VMP1: variants seen among roughly 807,000 people sequenced by gnomAD.
The protein encoded by VMP1 is ectopic P-granules autophagy protein 3 homolog.
Under a neutral mutation model 56.0 loss-of-function variants are expected in VMP1, and 11 were observed. The ratio of observed to expected loss-of-function variants is 0.20; its 90% CI spans 0.12 to 0.32. The LOEUF is 0.32. VMP1 is among the 10% of genes least tolerant of loss of function. The pLI is 1.00. For synonymous variants in VMP1, 149 were observed against 165.0 expected (o/e 0.90, Z 0.74); for missense variants, 296 against 490.3 (o/e 0.60, Z 3.74).
At chr17:59,710,801 T>A (rs2033889844) in intron 1 of VMP1, among the ~76,000 whole-genome samples, 1 of 152,146 alleles carries the variant, frequency 6.6e-6, no homozygotes, top group South Asian at 2.1e-4. Context: ...CCAGGCGCCG[T>A]GGCTCACGCC....
At chr17:59,784,039 C>G (rs968822816) in intron 7 of VMP1, among the ~76,000 whole-genome samples, 3 of 150,654 alleles carry the variant, frequency 2.0e-5, no homozygotes, top group Non-Finnish European at 2.9e-5. Flanking sequence ...AGTTTTTTAT[C>G]CTCTGTATTG....
At chr17:59,819,558 A>G (rs1192010135) in intron 10 of VMP1, among the ~76,000 whole-genome samples, 1 of 152,136 alleles carries the variant, frequency 6.6e-6, no homozygotes, top group Non-Finnish European at 1.5e-5. Context: ...GGTTAAAGCA[A>G]TTCTTCTGCA....
chr17:59,709,261 T>C (rs973822468), intron 1 of VMP1, among the ~76,000 whole-genome samples: 1 of 152,244 alleles, frequency 6.6e-6, no homozygotes, highest in East Asian at 1.9e-4. Context: ...TCTGATCTTA[T>C]CTTCTTTATG....
Position 59,829,874 on chromosome 17 carries a change from G to A in VMP1, c.975-8421G>A, listed in dbSNP as rs188925248. Among the ~76,000 whole-genome samples the A allele has an allele frequency of 2.2e-4, 34 of 152,196 alleles. No individual in the cohort carries two copies. In the East Asian group the frequency reaches 5.8e-3, roughly 26 times the overall value. ...ATTCAGTCTCTTCAGCAGAAGAGGC[G>A]GTTGTTGGCTTCAGTTAGAACAGGA... On this transcript the variant is annotated intron_variant, in intron 10 of 11. Transcript: ENST00000262291.
chr17:59,838,573 A>G (rs969680652), intron 11 of VMP1, 176 bp downstream of exon 11: 4 of 620,788 alleles, frequency 6.4e-6, no homozygotes, highest in African/African-American at 5.5e-5. Context: ...CTTAGACTAG[A>G]AAGTGTAACT....
intron 7 of VMP1, among the ~76,000 whole-genome samples, chr17:59,807,359 G>A (rs1045444693): frequency 7.9e-5 from 12 of 151,570 alleles, no homozygotes; most frequent in East Asian, 5.9e-4. Context: ...CAGCACGCCC[G>A]GCTAATTTTT....
chr17:59,753,480 C>T (rs1404863415), intron 5 of VMP1, among the ~76,000 whole-genome samples: 3 of 152,098 alleles, frequency 2.0e-5, no homozygotes, highest in African/African-American at 7.2e-5. Context: ...TATGATTCAT[C>T]AAGTTACAAG....
Position 59,801,110 on chromosome 17 carries a change from A to G in VMP1, c.715-7686A>G, listed in dbSNP as rs12103828. On this transcript the variant is annotated intron_variant, in intron 7 of 11. Coordinates refer to ENST00000262291, the MANE Select transcript of VMP1 (RefSeq NM_030938.5). ...AAAAAAAATATATATATATATATAT[A>G]TATGTGTGTGTGTGTGTGTGTGTGT... 2.2e-3 allele frequency among the ~76,000 whole-genome samples: 238 copies of G among 109,704 alleles called. 1 individual carries two copies. Among genetic ancestry groups the G allele is most frequent in the African/African-American group, 0.01 (223 of 22,212 alleles). 72.0% of individuals were successfully genotyped at this position (109,704 alleles called of 152,430 possible).
chr17:59,768,613 A>G (rs1031330467), intron 6 of VMP1, among the ~76,000 whole-genome samples: 2 of 151,922 alleles, frequency 1.3e-5, no homozygotes, highest in African/African-American at 4.8e-5. Flanking sequence ...AAAGAAAAAA[A>G]AACAAGGGGG....
intron 6 of VMP1, among the ~76,000 whole-genome samples, chr17:59,767,437 G>A (rs1262988109): frequency 6.6e-6 from 1 of 152,058 alleles, no homozygotes; most frequent in Non-Finnish European, 1.5e-5. Flanking sequence ...TATACTAGTT[G>A]CATATGCTTT....
At chr17:59,773,098 A>G (rs1428811090) in intron 6 of VMP1, among the ~76,000 whole-genome samples, 1 of 151,072 alleles carries the variant, frequency 6.6e-6, no homozygotes, top group Admixed American at 6.6e-5. Context: ...AGTATCTGGG[A>G]CTGCAAGTGC....
chr17:59,709,967 T>C (rs752410678), intron 1 of VMP1, among the ~76,000 whole-genome samples: 9 of 151,798 alleles, frequency 5.9e-5, no homozygotes, highest in Non-Finnish European at 1.2e-4. Flanking sequence ...GGAGGCCGAG[T>C]TGGGCGGATC....
intron 5 of VMP1, among the ~76,000 whole-genome samples, chr17:59,755,835 C>T (rs1186104143): frequency 6.6e-6 from 1 of 150,952 alleles, no homozygotes; most frequent in Non-Finnish European, 1.5e-5. Flanking sequence ...AACTCCTGGG[C>T]TCGAGTGGTC....
intron 10 of VMP1, among the ~76,000 whole-genome samples, chr17:59,823,318 C>T (rs2038516241): frequency 6.6e-6 from 1 of 151,730 alleles, no homozygotes; most frequent in African/African-American, 2.4e-5. Context: ...GGGCATGGTG[C>T]CGCATGCCTG....
chr17:59,767,812 T>C (rs1359197843), intron 6 of VMP1, among the ~76,000 whole-genome samples: 4 of 152,154 alleles, frequency 2.6e-5, no homozygotes, highest in Non-Finnish European at 4.4e-5. Context: ...AGTATTAGCA[T>C]CATAGTAATC....
chr17:59,812,872 A>C (rs566064228), intron 9 of VMP1, among the ~76,000 whole-genome samples: 1 of 152,188 alleles, frequency 6.6e-6, no homozygotes, highest in South Asian at 2.1e-4. Flanking sequence ...TGGAGGTTGC[A>C]GTGAGCCAAG....
intron 10 of VMP1, among the ~76,000 whole-genome samples, chr17:59,830,781 A>G (rs1028109718): frequency 6.6e-6 from 1 of 152,234 alleles, no homozygotes; most frequent in African/African-American, 2.4e-5. Context: ...TTAGACTTTA[A>G]GTATACACTC....
intron 5 of VMP1, among the ~76,000 whole-genome samples, chr17:59,759,106 ATTAG>A (rs1291180334): frequency 6.6e-6 from 1 of 152,268 alleles, no homozygotes; most frequent in East Asian, 1.9e-4. Flanking sequence ...CAACAACAAA[ATTAG>A]TTGGTTGTGG....
intron 7 of VMP1, among the ~76,000 whole-genome samples, chr17:59,798,400 AC>A (rs1473689850): frequency 2.0e-5 from 3 of 152,188 alleles, no homozygotes; most frequent in Non-Finnish European, 4.4e-5. Context: ...GCATCATGAG[AC>A]CTACTACAGT....
Sources: allele counts gnomAD v4.1 joint callset (sites outside exome capture counted in the v4.1 genomes callset), GRCh38; gene constraint gnomAD v4.1.1; transcripts MANE v1.5; gene names NCBI Gene and HGNC (gene_info 2026-07-23, HGNC 2026-07-21).